ATP9B: variants seen among roughly 807,000 people sequenced by gnomAD.
ATP9B encodes the protein probable phospholipid-transporting ATPase IIB.
ATP9B carries 110 observed loss-of-function variants against 146.1 expected under a neutral mutation model. The ratio of observed to expected loss-of-function variants is 0.75; its 90% CI spans 0.65 to 0.88. The LOEUF is 0.88. Ranked by LOEUF, ATP9B falls within the 40% of genes least tolerant of loss-of-function variation. The probability of loss-of-function intolerance (pLI) is 0.00; values close to 1 mark genes in which losing one functional copy is unlikely to be tolerated. For missense variants in ATP9B, 1,499 were observed against 1,496.4 expected (o/e 1.00, Z -0.03); for synonymous variants, 604 against 569.7 (o/e 1.06, Z -0.86).
rs143130204 is a variant in ATP9B, at chr18:79,207,179, G to A, written c.1030+167G>A. Among the ~76,000 whole-genome samples the A allele has an allele frequency of 1.2e-3, 182 of 152,310 alleles. 4 individuals carry two copies. The highest frequency in any genetic ancestry group is 0.012 in the Admixed American group (181 of 15,308). On this transcript the variant is annotated intron_variant, in intron 10 of 29. Transcript: ENST00000426216. ...TCTGAGACAGTCCTGGGAGCTTGTG[G>A]TGAGGCTTGTGCTGCTCCTCAGACA...
intron 6 of ATP9B, among the ~76,000 whole-genome samples, chr18:79,151,400 A>G (rs1289836488): frequency 1.3e-5 from 2 of 152,140 alleles, no homozygotes; most frequent in Non-Finnish European, 2.9e-5. Context: ...TTACCCACCC[A>G]TTTGGGTGTT....
chr18:79,188,569 G>T (rs557234017), intron 8 of ATP9B, among the ~76,000 whole-genome samples: 53 of 152,188 alleles, frequency 3.5e-4, no homozygotes, highest in African/African-American at 1.2e-3. Flanking sequence ...TCTATCAAAT[G>T]GAAATTCCTT....
chr18:79,327,927 T>C (rs200825903), intron 15 of ATP9B, among the ~76,000 whole-genome samples: 1,710 of 29,702 alleles, frequency 0.058, no homozygotes, highest in Non-Finnish European at 0.081. Flanking sequence ...GCGTGCTCTC[T>C]CTGGTTAGCG....
rs148178277 is a variant in ATP9B, at chr18:79,340,749, C to T, written c.2284-1519C>T. The stretch of plus-strand genomic sequence containing the variant: ...TACACATAAGATGTGCATGGGTATG[C>T]AATTTTTAAATGTAAAAGTGCTACT... On this transcript the variant is annotated intron_variant, in intron 19 of 29. Transcript: ENST00000426216. Among the ~76,000 whole-genome samples, 251 of 152,270 alleles carry T rather than the reference C, an allele frequency of 1.6e-3. 1 individual carries two copies. Among genetic ancestry groups the T allele is most frequent in the Non-Finnish European group, 2.8e-3 (192 of 68,026 alleles).
chr18:79,316,130 A>G (rs559704862), intron 15 of ATP9B, among the ~76,000 whole-genome samples: 5 of 152,336 alleles, frequency 3.3e-5, no homozygotes, highest in African/African-American at 1.2e-4. Context: ...CCAGTTTTTT[A>G]TTGAATACGG....
At chr18:79,251,423 G>T (rs1028876023) in intron 11 of ATP9B, among the ~76,000 whole-genome samples, 6 of 152,196 alleles carry the variant, frequency 3.9e-5, no homozygotes. Flanking sequence ...ACTATTTTAT[G>T]ATTCTGTTTT....
chr18:79,187,610 G>A (rs2095320283), intron 8 of ATP9B, among the ~76,000 whole-genome samples: 2 of 152,178 alleles, frequency 1.3e-5, no homozygotes, highest in Admixed American at 1.3e-4. Flanking sequence ...TCTTCATTTT[G>A]TTTCCCGTTG....
At chr18:79,347,559 T>G (rs913833797) in intron 23 of ATP9B, among the ~76,000 whole-genome samples, 1 of 152,218 alleles carries the variant, frequency 6.6e-6, no homozygotes, top group African/African-American at 2.4e-5. Context: ...CCTGAAGCAC[T>G]TGTGAGAGCC....
chr18:79,155,109 A>G (rs1026651854), intron 7 of ATP9B, among the ~76,000 whole-genome samples: 3 of 152,194 alleles, frequency 2.0e-5, no homozygotes, highest in African/African-American at 7.2e-5. Flanking sequence ...CTTATTTACC[A>G]CTTATTATTA....
intron 11 of ATP9B, among the ~76,000 whole-genome samples, chr18:79,248,107 A>G (rs1001822993): frequency 1.3e-5 from 2 of 152,230 alleles, no homozygotes; most frequent in Non-Finnish European, 2.9e-5. Context: ...TGAGGCGATA[A>G]ACGATAATGG....
At chr18:79,076,321 A>G (rs180987386) in intron 1 of ATP9B, among the ~76,000 whole-genome samples, 2 of 152,204 alleles carry the variant, frequency 1.3e-5, no homozygotes, top group African/African-American at 2.4e-5. Context: ...TTCTCTAACT[A>G]TTCTTTTAGG....
chr18:79,295,562 C>G (rs1394899566), intron 13 of ATP9B, among the ~76,000 whole-genome samples: 1 of 152,168 alleles, frequency 6.6e-6, no homozygotes, highest in African/African-American at 2.4e-5. Flanking sequence ...CTCCCATTTT[C>G]TTTTTAAATT....
At chr18:79,157,038 T>C (rs921721330) in intron 7 of ATP9B, among the ~76,000 whole-genome samples, 3 of 152,144 alleles carry the variant, frequency 2.0e-5, no homozygotes, top group Non-Finnish European at 4.4e-5. Flanking sequence ...GCGACTGTTT[T>C]GTTAAGGCTT....
intron 1 of ATP9B, among the ~76,000 whole-genome samples, chr18:79,079,147 A>C (rs1193598257): frequency 1.3e-5 from 2 of 152,100 alleles, no homozygotes; most frequent in Non-Finnish European, 2.9e-5. Context: ...TTTATAGTAG[A>C]ATGATTTATA....
intron 14 of ATP9B, among the ~76,000 whole-genome samples, 172 bp from the exon 15 acceptor site, chr18:79,306,814 G>A (rs1354506201): frequency 6.6e-6 from 1 of 152,034 alleles, no homozygotes; most frequent in East Asian, 1.9e-4. Context: ...ATAGTACTAG[G>A]CTTAAAAAAA....
At chr18:79,190,835 C>T (rs1288604543) in intron 8 of ATP9B, among the ~76,000 whole-genome samples, 1 of 152,054 alleles carries the variant, frequency 6.6e-6, no homozygotes, top group Non-Finnish European at 1.5e-5. Context: ...CATGAGCCAC[C>T]GTGCCTGGCC....
rs1386599010 is a variant in ATP9B at position 79,344,305 on chromosome 18, T to C, written c.2423T>C (p.Phe808Ser). 1 of 1,614,214 alleles carries C rather than the reference T, an allele frequency of 6.2e-7. No individual in the cohort carries two copies. The highest frequency in any genetic ancestry group is 2.2e-5 in the East Asian group (1 of 44,882). Residue 808 changes from phenylalanine (F) to serine (S), a missense_variant, in exon 21 of 30, where the codon TTT (phenylalanine) becomes TCT (serine). Coordinates refer to ENST00000426216, the MANE Select transcript of ATP9B (RefSeq NM_198531.5). ...RGEAHLELNAFRRKHDCALVI... is the reference protein window; with the variant it reads ...RGEAHLELNASRRKHDCALVI... Reference sequence around the variant, plus strand: ...GAGGCACATTTGGAGCTGAATGCATTTCGAAGGAAGCATGATTGTGCACTA... The same window carrying C: ...GAGGCACATTTGGAGCTGAATGCATCTCGAAGGAAGCATGATTGTGCACTA...
chr18:79,356,498 G>A (rs1340888917), intron 25 of ATP9B, among the ~76,000 whole-genome samples: 1 of 152,200 alleles, frequency 6.6e-6, no homozygotes, highest in South Asian at 2.1e-4. Context: ...AACTTCAGTG[G>A]TTAAGCACAC....
chr18:79,371,536 G>C (rs2097070651), intron 26 of ATP9B, among the ~76,000 whole-genome samples: 1 of 152,188 alleles, frequency 6.6e-6, no homozygotes, highest in East Asian at 1.9e-4. Context: ...CACCACACTT[G>C]TCTTTTATAA....
Sources: gnomAD v4.1 joint callset for allele counts (sites outside exome capture counted in the v4.1 genomes callset) on GRCh38, gnomAD v4.1.1 for gene constraint, MANE v1.5 for transcripts, NCBI Gene and HGNC (gene_info 2026-07-23, HGNC 2026-07-21) for gene names.